NBAS: variants seen among roughly 807,000 people sequenced by gnomAD.
NBAS encodes NBAS subunit of NRZ tethering complex.
NBAS carries 219 observed loss-of-function variants against 302.5 expected under a neutral mutation model. The ratio of observed to expected loss-of-function variants is 0.72; its 90% CI spans 0.65 to 0.81. The LOEUF is 0.81. NBAS is among the 30% of genes least tolerant of loss of function. The pLI is 0.00. For missense variants in NBAS, 2,932 were observed against 2,841.6 expected (o/e 1.03, Z -0.72); for synonymous variants, 1,118 against 1,021.6 (o/e 1.09, Z -1.80).
At chr2:15,098,403 TATATATG>T in the NBAS span, among the ~76,000 whole-genome samples, 8 of 18,158 alleles carry the variant, frequency 4.4e-4, no homozygotes, top group Non-Finnish European at 6.2e-4. Flanking sequence ...TATTATATAT[TATATATG>T]ATATATTGTA....
At chr2:15,075,646 A>G in the NBAS span, among the ~76,000 whole-genome samples, 1 of 152,120 alleles carries the variant, frequency 6.6e-6, no homozygotes, top group Non-Finnish European at 1.5e-5. Flanking sequence ...ATCCCTTGTA[A>G]CCAACTAAAC....
the NBAS span, among the ~76,000 whole-genome samples, chr2:15,012,306 T>C: frequency 1.3e-5 from 2 of 151,944 alleles, no homozygotes; most frequent in African/African-American, 4.8e-5. Flanking sequence ...CAATAGACTA[T>C]ACCAAGCAAA....
chr2:15,388,788 A>G (rs1675438467), intron 28 of NBAS, among the ~76,000 whole-genome samples: 1 of 152,188 alleles, frequency 6.6e-6, no homozygotes, highest in African/African-American at 2.4e-5. Context: ...CACAAAATGG[A>G]ATACTTCCCA....
chr2:14,826,710 T>G, the NBAS span, among the ~76,000 whole-genome samples: 3 of 152,212 alleles, frequency 2.0e-5, no homozygotes, highest in Non-Finnish European at 4.4e-5. Context: ...ATCATGCTCC[T>G]GTAGGGCACT....
the NBAS span, among the ~76,000 whole-genome samples, chr2:15,147,463 C>G: frequency 6.6e-6 from 1 of 152,018 alleles, no homozygotes; most frequent in African/African-American, 2.4e-5. Flanking sequence ...TGTGCTGGCG[C>G]ATGCCTGTAA....
At chr2:14,852,445 T>C in the NBAS span, among the ~76,000 whole-genome samples, 1 of 97,828 alleles carries the variant, frequency 1.0e-5, no homozygotes, top group Non-Finnish European at 2.0e-5. Flanking sequence ...TACAAACAAA[T>C]GGAAGAACAT....
At chr2:15,421,722 T>C (rs2148472784) in intron 23 of NBAS, among the ~76,000 whole-genome samples, 1 of 152,256 alleles carries the variant, frequency 6.6e-6, no homozygotes, top group Non-Finnish European at 1.5e-5. Flanking sequence ...TTTATAATTA[T>C]CCCTTATTAC....
Position 15,561,286 on chromosome 2 carries a change from C to G in NBAS, c.19G>C (p.Gly7Arg), listed in dbSNP as rs200128314. The G allele has an allele frequency of 1.7e-5, 27 of 1,613,576 alleles. No individual in the cohort carries two copies. In the East Asian group the frequency reaches 5.6e-4, roughly 33 times the overall value. The change falls in exon 1 of 52, where the codon GGG becomes CGG. Residue 7 changes from glycine (G) to arginine (R), a missense_variant. Transcript: ENST00000281513. MAAPES[G>R]PALSPGTAEG... ...GCAGTGCCTGGACTCAAAGCCGGCC[C>G]TGACTCGGGGGCCGCCATGTTCGCC...
chr2:14,782,360 C>T, the NBAS span, among the ~76,000 whole-genome samples: 1 of 152,258 alleles, frequency 6.6e-6, no homozygotes, highest in Admixed American at 6.5e-5. Context: ...TGAGAAAAAG[C>T]TCAATATCAC....
intron 42 of NBAS, among the ~76,000 whole-genome samples, chr2:15,283,616 T>A (rs977965194): frequency 6.6e-6 from 1 of 152,206 alleles, no homozygotes; most frequent in African/African-American, 2.4e-5. Flanking sequence ...TAAACCTCTT[T>A]TCTTTATAAA....
At chr2:15,292,853 C>T in intron 40 of NBAS, 87 bp from the exon 41 acceptor site, 1 of 1,309,284 alleles carries the variant, frequency 7.6e-7, no homozygotes, top group Non-Finnish European at 1.1e-6. Context: ...ACCATGTCTG[C>T]AAGGAACTGT....
intron 12 of NBAS, among the ~76,000 whole-genome samples, chr2:15,478,546 C>A (rs1415237335): frequency 1.3e-5 from 2 of 152,148 alleles, no homozygotes; most frequent in East Asian, 1.9e-4. Context: ...AGCAAGTATA[C>A]AATCAATACA....
chr2:15,117,768 C>T, the NBAS span, among the ~76,000 whole-genome samples: 5 of 152,170 alleles, frequency 3.3e-5, no homozygotes, highest in Middle Eastern at 3.2e-3. Flanking sequence ...GTGTGGGAAA[C>T]GCTGCACTGG....
At chr2:15,124,967 C>A in the NBAS span, among the ~76,000 whole-genome samples, 393 of 152,274 alleles carry the variant, frequency 2.6e-3, 2 homozygotes, top group African/African-American at 8.3e-3. Flanking sequence ...CACACAGAGT[C>A]CCCACCGGAG....
At chr2:15,433,330 A>C (rs1019508975) in intron 21 of NBAS, among the ~76,000 whole-genome samples, 2 of 152,178 alleles carry the variant, frequency 1.3e-5, no homozygotes, top group African/African-American at 4.8e-5. Context: ...TTGGATTAGG[A>C]GAAAATCAGA....
chr2:15,518,975 G>A (rs530630195), intron 9 of NBAS, among the ~76,000 whole-genome samples: 138 of 152,190 alleles, frequency 9.1e-4, no homozygotes, highest in African/African-American at 3.1e-3. Context: ...CCCACAACAC[G>A]TGGAAATTAC....
chr2:15,256,029 C>T lies in NBAS; in HGVS notation c.5725-17343G>A, dbSNP rs563931991. On this transcript the variant is annotated intron_variant, in intron 44 of 51. Transcript: ENST00000281513. The stretch of plus-strand genomic sequence containing the variant: ...TGTTTTTTGTTTAGTCTTGCTTTGG[C>T]TATGAAGACTCTTTTTGGGTTCTGT... 2.6e-5 allele frequency among the ~76,000 whole-genome samples: 4 copies of T among 152,150 alleles called. No individual in the cohort carries two copies. The South Asian group carries it at 8.3e-4, about 32-fold the overall frequency.
the NBAS span, among the ~76,000 whole-genome samples, chr2:14,839,869 A>G: frequency 1.5e-4 from 23 of 152,010 alleles, no homozygotes; most frequent in Admixed American, 1.4e-3. Flanking sequence ...ATGAAAAGAC[A>G]CAAAGGTACA....
intron 11 of NBAS, among the ~76,000 whole-genome samples, chr2:15,493,666 C>CAAAAAGAA (rs1680955066): frequency 3.6e-5 from 5 of 140,158 alleles, no homozygotes; most frequent in Non-Finnish European, 7.7e-5. Flanking sequence ...GACTCTGGCT[C>CAAAAAGAA]AAAAAGAAAA....
Sources: gnomAD v4.1 joint callset for allele counts (sites outside exome capture counted in the v4.1 genomes callset) on GRCh38, gnomAD v4.1.1 for gene constraint, MANE v1.5 for transcripts, NCBI Gene and HGNC (gene_info 2026-07-23, HGNC 2026-07-21) for gene names.